Variants in CNTN5 observed in about 807,000 individuals in gnomAD.
CNTN5 encodes the protein contactin-5.
A neutral mutation model predicts 129.1 loss-of-function variants in CNTN5; 77 were observed. That is an observed-to-expected ratio of 0.60 (90% CI 0.50 to 0.72). The LOEUF (loss-of-function observed/expected upper bound fraction) is 0.72. Among genes scored for constraint, CNTN5 ranks in the 30% least tolerant of loss-of-function variants. The probability of loss-of-function intolerance (pLI) is 0.00; values close to 1 mark genes in which losing one functional copy is unlikely to be tolerated. For missense variants in CNTN5, 1,478 were observed against 1,328.8 expected, an observed-to-expected ratio of 1.11 and a Z score of -1.75; for synonymous variants, 509 against 465.6, an observed-to-expected ratio of 1.09 and a Z score of -1.20.
intron 1 of CNTN5, among the ~76,000 whole-genome samples, chr11:99,230,376 C>T (rs1443846264): frequency 6.6e-6 from 1 of 151,872 alleles, no homozygotes; most frequent in Non-Finnish European, 1.5e-5. Context: ...GAGGGGAATT[C>T]AACTGATTTT....
At chr11:100,050,141 C>G (rs1214373996) in intron 9 of CNTN5, among the ~76,000 whole-genome samples, 1 of 152,068 alleles carries the variant, frequency 6.6e-6, no homozygotes, top group Non-Finnish European at 1.5e-5. Context: ...ACCCAAAGGA[C>G]TATAAATCAT....
At chr11:99,099,445 T>A (rs796484132) in intron 1 of CNTN5, among the ~76,000 whole-genome samples, 4 of 152,208 alleles carry the variant, frequency 2.6e-5, no homozygotes, top group African/African-American at 9.6e-5. Context: ...CTTACCGTTA[T>A]GAACAAATTT....
Position 99,359,699 on chromosome 11 carries a change from A to G in CNTN5, c.-71+34215A>G, listed in dbSNP as rs537484311. Among the ~76,000 whole-genome samples, 5 of 152,114 alleles carry G rather than the reference A, an allele frequency of 3.3e-5. No individual in the cohort carries two copies. The South Asian group carries it at 1.0e-3, about 32-fold the overall frequency. On this transcript the variant is annotated intron_variant, in intron 2 of 24. Transcript: ENST00000524871. ...CAAATTCTCATCTGAATATCAGCTA[A>G]ATCAGATATGCATGAGTCTCAAGAT...
intron 7 of CNTN5, among the ~76,000 whole-genome samples, chr11:99,933,989 G>C (rs12099405): frequency 0.39 from 59,634 of 152,022 alleles, 11,978 homozygotes; most frequent in Middle Eastern, 0.47. Flanking sequence ...TATATCTGTG[G>C]AGCTATAGGA....
intron 1 of CNTN5, among the ~76,000 whole-genome samples, chr11:99,030,528 A>G (rs1482590376): frequency 1.3e-5 from 2 of 152,140 alleles, no homozygotes; most frequent in African/African-American, 2.4e-5. Context: ...GGGCTAGAAA[A>G]GGGATGTCCT....
chr11:99,982,564 G>C (rs1429358019), intron 8 of CNTN5, among the ~76,000 whole-genome samples: 1 of 152,164 alleles, frequency 6.6e-6, no homozygotes, highest in African/African-American at 2.4e-5. Context: ...TCTTGAAACA[G>C]ACTCAAACTT....
chr11:99,270,707 C>T (rs557869526), intron 1 of CNTN5, among the ~76,000 whole-genome samples: 2 of 152,032 alleles, frequency 1.3e-5, no homozygotes, highest in South Asian at 4.2e-4. Context: ...TCTCTGCCAG[C>T]CTTCCTAATA....
chr11:99,166,569 T>C (rs1166048839), intron 1 of CNTN5, among the ~76,000 whole-genome samples: 2 of 152,106 alleles, frequency 1.3e-5, no homozygotes, highest in Non-Finnish European at 2.9e-5. Context: ...ACAACCTGAA[T>C]GACATAGAAT....
intron 3 of CNTN5, among the ~76,000 whole-genome samples, chr11:99,751,777 A>G (rs987108206): frequency 6.6e-6 from 1 of 152,230 alleles, no homozygotes; most frequent in African/African-American, 2.4e-5. Context: ...TTCAAACTTC[A>G]TGTTGAAACA....
At chr11:99,985,194 T>A (rs1407898724) in intron 8 of CNTN5, among the ~76,000 whole-genome samples, 1 of 152,160 alleles carries the variant, frequency 6.6e-6, no homozygotes, top group East Asian at 1.9e-4. Context: ...TGGGTCCCTG[T>A]ACTCGGTGGT....
chr11:99,917,021 C>G (rs959936364), intron 7 of CNTN5, among the ~76,000 whole-genome samples: 3 of 151,998 alleles, frequency 2.0e-5, no homozygotes, highest in African/African-American at 7.3e-5. Context: ...TAATGGAGCA[C>G]AATTTGGCTC....
At chr11:100,005,890 G>A (rs1940160256) in intron 9 of CNTN5, among the ~76,000 whole-genome samples, 1 of 152,080 alleles carries the variant, frequency 6.6e-6, no homozygotes, top group African/African-American at 2.4e-5. Context: ...CCTTAGCGGA[G>A]TAATTCACAT....
At chr11:99,147,348 A>G (rs1301301911) in intron 1 of CNTN5, among the ~76,000 whole-genome samples, 2 of 152,216 alleles carry the variant, frequency 1.3e-5, no homozygotes, top group South Asian at 4.1e-4. Flanking sequence ...TCTAATGTTA[A>G]TTATAATGGA....
intron 23 of CNTN5, among the ~76,000 whole-genome samples, chr11:100,350,074 G>A (rs1303694740): frequency 6.6e-6 from 1 of 151,810 alleles, no homozygotes; most frequent in African/African-American, 2.4e-5. Flanking sequence ...TCCAAATGCC[G>A]ATTTTACCAA....
intron 9 of CNTN5, among the ~76,000 whole-genome samples, chr11:100,040,018 G>T (rs1942277571): frequency 6.6e-6 from 1 of 152,212 alleles, no homozygotes. Context: ...GTGAGGAGCT[G>T]CATTCCTTTG....
intron 21 of CNTN5, among the ~76,000 whole-genome samples, chr11:100,320,276 T>C (rs1951662259): frequency 6.6e-6 from 1 of 152,240 alleles, no homozygotes; most frequent in African/African-American, 2.4e-5. Context: ...GGTTTTCCTT[T>C]TCATTTCCCT....
chr11:100,150,034 C>T (rs955079825), intron 13 of CNTN5, among the ~76,000 whole-genome samples: 1 of 151,892 alleles, frequency 6.6e-6, no homozygotes, highest in African/African-American at 2.4e-5. Context: ...GAGAAAAGTA[C>T]TTGGTGTGGA....
intron 2 of CNTN5, among the ~76,000 whole-genome samples, chr11:99,391,395 G>A (rs781024657): frequency 1.5e-4 from 23 of 152,124 alleles, no homozygotes; most frequent in Non-Finnish European, 2.9e-4. Flanking sequence ...GTTTTAGGTC[G>A]TTAGTAAACA....
At chr11:100,179,421 T>A (rs991901653) in intron 13 of CNTN5, among the ~76,000 whole-genome samples, 1 of 152,128 alleles carries the variant, frequency 6.6e-6, no homozygotes, top group Admixed American at 6.6e-5. Flanking sequence ...GACATAAGCA[T>A]AACCTTCCTA....
Sources: gnomAD v4.1 joint callset for allele counts (sites outside exome capture counted in the v4.1 genomes callset) on GRCh38, gnomAD v4.1.1 for gene constraint, MANE v1.5 for transcripts, NCBI Gene and HGNC (gene_info 2026-07-23, HGNC 2026-07-21) for gene names.